Variants in ENTHD1 observed in about 807,000 individuals in gnomAD.
ENTHD1 encodes ENTH domain containing 1, also known as ENTH domain-containing protein 1.
In ENTHD1, 23 loss-of-function variants were observed where a neutral mutation model predicts 39.1. The observed-to-expected ratio is 0.59, with a 90% confidence interval of 0.42 to 0.83. The LOEUF (loss-of-function observed/expected upper bound fraction) is 0.83, where lower values mean the gene tolerates loss of function less well. Ranked by LOEUF, ENTHD1 falls within the 40% of genes least tolerant of loss-of-function variation. ENTHD1 has a pLI of 0.00. For synonymous variants in ENTHD1, 230 were observed against 258.2 expected (o/e 0.89, Z 1.05); for missense variants, 624 against 705.4 (o/e 0.88, Z 1.31).
chr22:39,861,795 G>C lies in ENTHD1; in HGVS notation c.562C>G (p.Leu188Val). The change falls in exon 3 of 7, where the codon CTT becomes GTT. Residue 188 changes from leucine (L) to valine (V), a missense_variant. Physicochemically the swap from Leu to Val is conservative, Grantham distance 32. Coordinates refer to ENST00000325157, the MANE Select transcript of ENTHD1 (RefSeq NM_152512.4). ...TTATGTAACCTTCCAAACTTAGGAAGCTTATACTTCTTCTCTGAAGCAGAA... is the reference window on the plus strand; with the variant it reads ...TTATGTAACCTTCCAAACTTAGGAACCTTATACTTCTTCTCTGAAGCAGAA... ...DISASEKKYK[L>V]PKFGRLHNKR... 6.3e-7 allele frequency: 1 copy of C among 1,576,488 alleles called. No individual in the cohort carries two copies. Among genetic ancestry groups the C allele is most frequent in the African/African-American group, 1.3e-5 (1 of 74,766 alleles).
intron 6 of ENTHD1, among the ~76,000 whole-genome samples, chr22:39,759,225 A>T (rs1174165258): frequency 1.3e-5 from 2 of 152,076 alleles, no homozygotes; most frequent in African/African-American, 4.8e-5. Context: ...ACTATAGGGG[A>T]CTGAGGTTTT....
chr22:39,763,058 C>T (rs1234929089), intron 6 of ENTHD1, among the ~76,000 whole-genome samples: 1 of 152,092 alleles, frequency 6.6e-6, no homozygotes, highest in Non-Finnish European at 1.5e-5. Flanking sequence ...TCACTTTGCT[C>T]TAGGTGAAAT....
chr22:39,892,932 C>T (rs1184267658), intron 1 of ENTHD1, among the ~76,000 whole-genome samples: 2 of 152,122 alleles, frequency 1.3e-5, no homozygotes, highest in African/African-American at 4.8e-5. Context: ...TCTTTTCCAG[C>T]CCTAAGTGTG....
intron 5 of ENTHD1, among the ~76,000 whole-genome samples, chr22:39,782,267 A>G (rs2065416444): frequency 6.6e-6 from 1 of 152,220 alleles, no homozygotes; most frequent in South Asian, 2.1e-4. Flanking sequence ...AGCCTGGGCA[A>G]CAGAGAGAGA....
intron 6 of ENTHD1, chr22:39,750,504 TAA>T (rs58031726): frequency 6.7e-6 from 1 of 150,150 alleles, no homozygotes. Context: ...AAGCTGCAAT[TAA>T]AAAAAAAATA....
intron 4 of ENTHD1, among the ~76,000 whole-genome samples, chr22:39,829,737 GC>G (rs1207291959): frequency 6.6e-6 from 1 of 151,764 alleles, no homozygotes; most frequent in African/African-American, 2.4e-5. Flanking sequence ...GCTGAAGTGA[GC>G]CGAGATCATG....
rs112194949 is a variant in ENTHD1 at position 39,840,759 on chromosome 22, CTT to C, written c.593-4803_593-4802del. Among the ~76,000 whole-genome samples, 545 of 146,368 alleles carry C rather than the reference CTT, an allele frequency of 3.7e-3. 5 individuals are homozygous for C. The highest frequency in any genetic ancestry group is 0.012 in the African/African-American group (474 of 40,250). On this transcript the variant is annotated intron_variant, in intron 3 of 6. Coordinates refer to ENST00000325157, the MANE Select transcript of ENTHD1 (RefSeq NM_152512.4). The stretch of plus-strand genomic sequence containing the variant: ...GTTGTTTTGGCACATAGTTAAGCAT[CTT>C]TTTTTTTTTTTGAGACGGAGTCTCG...
intron 2 of ENTHD1, among the ~76,000 whole-genome samples, chr22:39,882,488 T>C (rs976020794): frequency 6.6e-6 from 1 of 152,182 alleles, no homozygotes; most frequent in African/African-American, 2.4e-5. Flanking sequence ...TGCAATGTGC[T>C]ACATTGAAGA....
At chr22:39,780,986 G>A (rs892522193) in intron 5 of ENTHD1, among the ~76,000 whole-genome samples, 9 of 139,332 alleles carry the variant, frequency 6.5e-5, no homozygotes, top group African/African-American at 1.9e-4. Context: ...GCAACAGAGC[G>A]AGACTCCATC....
At chr22:39,797,587 C>T (rs985686449) in intron 5 of ENTHD1, among the ~76,000 whole-genome samples, 1 of 152,050 alleles carries the variant, frequency 6.6e-6, no homozygotes, top group Non-Finnish European at 1.5e-5. Context: ...ATTTTGCTTC[C>T]AGGTGTAGGA....
Position 39,886,464 on chromosome 22 carries a change from A to C in ENTHD1, c.349+936T>G, listed in dbSNP as rs181030907. ...GTAACAAATGGACCACACTAATGCA[A>C]GATGTTATTAAGAGAAATTGTGTCT... On this transcript the variant is annotated intron_variant, in intron 2 of 6. Coordinates refer to ENST00000325157, the MANE Select transcript of ENTHD1 (RefSeq NM_152512.4). Among the ~76,000 whole-genome samples the C allele has an allele frequency of 6.9e-4, 105 of 152,328 alleles. 3 individuals carry two copies. In the South Asian group the frequency reaches 0.011, roughly 16 times the overall value.
chr22:39,786,655 T>C (rs558151609), intron 5 of ENTHD1, among the ~76,000 whole-genome samples: 3 of 152,302 alleles, frequency 2.0e-5, no homozygotes, highest in African/African-American at 4.8e-5. Context: ...CATGTTCATC[T>C]GAAGTGAAAC....
At chr22:39,770,002 G>A (rs2065309169) in intron 5 of ENTHD1, among the ~76,000 whole-genome samples, 1 of 152,146 alleles carries the variant, frequency 6.6e-6, no homozygotes, top group South Asian at 2.1e-4. Context: ...TTGTTTTGGG[G>A]ACAGCATCTT....
chr22:39,849,833 G>A (rs948088947), intron 3 of ENTHD1, among the ~76,000 whole-genome samples: 3 of 152,044 alleles, frequency 2.0e-5, no homozygotes, highest in African/African-American at 7.2e-5. Flanking sequence ...TACAAATGAT[G>A]CTCGTTTCTT....
chr22:39,751,807 AAAGTAG>A (rs1208173721), intron 6 of ENTHD1, among the ~76,000 whole-genome samples: 3 of 152,204 alleles, frequency 2.0e-5, no homozygotes, highest in African/African-American at 7.2e-5. Context: ...TTAAATGTTA[AAAGTAG>A]AAGTATTTAA....
At chr22:39,856,424 A>G (rs2066088205) in intron 3 of ENTHD1, among the ~76,000 whole-genome samples, 1 of 152,146 alleles carries the variant, frequency 6.6e-6, no homozygotes, top group Admixed American at 6.5e-5. Context: ...AAGTTTACTT[A>G]ATCCAATTAC....
At position 39,861,933 on chromosome 22, in the gene ENTHD1, C is replaced by T; in HGVS notation, c.424G>A (p.Glu142Lys). The T allele has an allele frequency of 6.3e-7, 1 of 1,597,822 alleles. No individual in the cohort carries two copies. Among genetic ancestry groups the T allele is most frequent in the Non-Finnish European group, 8.6e-7 (1 of 1,169,036 alleles). ...MDEPLLCKER[E>K]VACRTRQRTS... ...CGCTGTCTAGTCCGACATGCCACTT[C>T]CCTCTCTTTACACAGCAATGGTTCA... Residue 142 changes from glutamate (E) to lysine (K), a missense_variant, in exon 3 of 7, where the codon GAA (glutamate) becomes AAA (lysine). Coordinates refer to ENST00000325157, the MANE Select transcript of ENTHD1 (RefSeq NM_152512.4).
At chr22:39,787,363 G>C (rs1048960547) in intron 5 of ENTHD1, among the ~76,000 whole-genome samples, 1 of 152,124 alleles carries the variant, frequency 6.6e-6, no homozygotes, top group African/African-American at 2.4e-5. Flanking sequence ...TCAAGTGAAA[G>C]GAAGAGTCAT....
rs78459155 is a variant in ENTHD1 at position 39,793,341 on chromosome 22, G to GTT, written c.832+27650_832+27651dup. Among the ~76,000 whole-genome samples, 564 of 130,090 alleles carry GTT rather than the reference G, an allele frequency of 4.3e-3. 4 individuals carry two copies. Among genetic ancestry groups the GTT allele is most frequent in the African/African-American group, 0.013 (459 of 36,224 alleles). The allele number at this position is 130,090 out of a possible 152,430, so 85.3% of individuals were successfully genotyped here. On this transcript the variant is annotated intron_variant, in intron 5 of 6. Transcript: ENST00000325157. ...TCACTTTTTAATGGGATTATTAGTT[G>GTT]TTTTTTTTTTTTTTGCTGTTGTTTG...
Sources: gnomAD v4.1 joint callset for allele counts (sites outside exome capture counted in the v4.1 genomes callset) on GRCh38, gnomAD v4.1.1 for gene constraint, MANE v1.5 for transcripts, NCBI Gene and HGNC (gene_info 2026-07-23, HGNC 2026-07-21) for gene names.